The following NTM variants were observed in gnomAD, a reference collection of about 807,000 sequenced individuals.
NTM encodes neurotrimin.
A neutral mutation model predicts 42.1 loss-of-function variants in NTM; 13 were observed. The observed-to-expected ratio is 0.31, with a 90% CI of 0.20 to 0.49. The LOEUF (loss-of-function observed/expected upper bound fraction) is 0.49. Ranked by LOEUF, NTM falls within the 20% of genes least tolerant of loss-of-function variation. The pLI is 0.99. For synonymous variants in NTM, 187 were observed against 179.2 expected (o/e 1.04, Z -0.35); for missense variants, 373 against 452.8 (o/e 0.82, Z 1.60).
intron 1 of NTM, among the ~76,000 whole-genome samples, chr11:131,724,861 A>C (rs1243842308): frequency 6.6e-6 from 1 of 152,188 alleles, no homozygotes; most frequent in East Asian, 1.9e-4. Context: ...TTTGCATGTC[A>C]GGGGAAATGA....
At chr11:131,786,422 T>A (rs764624386) in intron 1 of NTM, among the ~76,000 whole-genome samples, 6 of 152,208 alleles carry the variant, frequency 3.9e-5, no homozygotes, top group Non-Finnish European at 8.8e-5. Context: ...TGGGTAAGAG[T>A]AATGCAGAGA....
chr11:132,224,503 G>A (rs371924336), intron 4 of NTM, among the ~76,000 whole-genome samples: 1 of 152,146 alleles, frequency 6.6e-6, no homozygotes, highest in Non-Finnish European at 1.5e-5. Flanking sequence ...TAAGAGATGA[G>A]GTGTGTTGGT....
chr11:131,615,092 A>C (rs976768287), intron 1 of NTM, among the ~76,000 whole-genome samples: 1 of 152,202 alleles, frequency 6.6e-6, no homozygotes, highest in African/African-American at 2.4e-5. Context: ...TTTCTAGACA[A>C]AGCAATATTC....
intron 1 of NTM, among the ~76,000 whole-genome samples, chr11:131,452,094 G>A (rs1252005433): frequency 2.0e-5 from 3 of 152,218 alleles, no homozygotes; most frequent in Non-Finnish European, 2.9e-5. Context: ...TGCACCTGGG[G>A]CACAGCTTCC....
intron 1 of NTM, among the ~76,000 whole-genome samples, chr11:131,577,723 C>A (rs1194414612): frequency 2.0e-5 from 3 of 152,308 alleles, no homozygotes. Flanking sequence ...AGCTTCAAAA[C>A]CAATGCTCTA....
At chr11:132,011,878 T>C (rs576347219) in intron 2 of NTM, among the ~76,000 whole-genome samples, 23 of 152,340 alleles carry the variant, frequency 1.5e-4, no homozygotes, top group African/African-American at 5.5e-4. Flanking sequence ...TCTCAGAAGG[T>C]GTCCTTCTTT....
At chr11:132,029,353 A>T (rs1367556181) in intron 2 of NTM, among the ~76,000 whole-genome samples, 1 of 45,908 alleles carries the variant, frequency 2.2e-5, no homozygotes, top group African/African-American at 9.1e-5. Context: ...CCCCCACCCC[A>T]CAACAGGCCC....
chr11:131,794,185 G>C (rs1364632653), intron 1 of NTM, among the ~76,000 whole-genome samples: 4 of 152,146 alleles, frequency 2.6e-5, no homozygotes. Flanking sequence ...CACCACCTCT[G>C]TGTGCAGGGC....
chr11:131,574,561 A>AGTGTGTGTGT (rs3040137), intron 1 of NTM, among the ~76,000 whole-genome samples: 9 of 147,424 alleles, frequency 6.1e-5, no homozygotes, highest in African/African-American at 1.7e-4. Context: ...TATGTGCTTG[A>AGTGTGTGTGT]GTGTGTGTGT....
chr11:131,676,277 G>T (rs973863496), intron 1 of NTM, among the ~76,000 whole-genome samples: 2 of 152,334 alleles, frequency 1.3e-5, no homozygotes, highest in East Asian at 3.9e-4. Flanking sequence ...GAAAAGGAAT[G>T]AGATGTTTTC....
At chr11:132,187,621 AG>A (rs1361440457) in intron 3 of NTM, among the ~76,000 whole-genome samples, 1 of 152,300 alleles carries the variant, frequency 6.6e-6, no homozygotes, top group African/African-American at 2.4e-5. Context: ...GACCTCCAGA[AG>A]GGGCAGTGAG....
chr11:131,802,034 TA>T (rs1565570195), intron 1 of NTM, among the ~76,000 whole-genome samples: 6 of 151,854 alleles, frequency 4.0e-5, no homozygotes, highest in South Asian at 2.1e-4. Flanking sequence ...TGCAGTATAA[TA>T]AAAAAAATTA....
chr11:131,603,679 C>T (rs1423180655), intron 1 of NTM, among the ~76,000 whole-genome samples: 3 of 152,202 alleles, frequency 2.0e-5, no homozygotes, highest in Non-Finnish European at 2.9e-5. Flanking sequence ...TTAACAAGCA[C>T]TCTTGACATT....
At chr11:132,039,986 G>A (rs780790709) in intron 2 of NTM, among the ~76,000 whole-genome samples, 2 of 152,040 alleles carry the variant, frequency 1.3e-5, no homozygotes, top group Non-Finnish European at 1.5e-5. Context: ...GTGCAGTGGC[G>A]TGATCTTGGC....
At chr11:132,031,909 C>CCCACTCATT (rs1333611687) in intron 2 of NTM, among the ~76,000 whole-genome samples, 2 of 152,126 alleles carry the variant, frequency 1.3e-5, no homozygotes, top group Admixed American at 1.3e-4. Context: ...ATGACATGCT[C>CCCACTCATT]AAAGGCCCTC....
intron 1 of NTM, among the ~76,000 whole-genome samples, chr11:131,606,939 C>T (rs2061018067): frequency 6.6e-6 from 1 of 152,108 alleles, no homozygotes; most frequent in South Asian, 2.1e-4. Flanking sequence ...TTTCTTTTAC[C>T]ACCCTGGAGT....
At chr11:131,939,457 C>A (rs2134190078) in intron 2 of NTM, among the ~76,000 whole-genome samples, 1 of 152,080 alleles carries the variant, frequency 6.6e-6, no homozygotes. Context: ...AGAGGTAAAT[C>A]AAGTCAAAAT....
chr11:131,858,072 A>G (rs983152848), intron 1 of NTM, among the ~76,000 whole-genome samples: 2 of 149,276 alleles, frequency 1.3e-5, no homozygotes, highest in African/African-American at 5.0e-5. Flanking sequence ...TCCAGTCTAC[A>G]TTTTATCATA....
In NTM at chr11:131,671,324, C is replaced by T. The variant is rs1408760499; in HGVS notation, c.83-240240C>T. The stretch of plus-strand genomic sequence containing the variant: ...GGCGCTATCTGGCGTCTATACTCAT[C>T]CTCCCCGCCCAACCCCATCACTGCA... On this transcript the variant is annotated intron_variant, in intron 1 of 8. Coordinates refer to ENST00000683400, the MANE Select transcript of NTM (RefSeq NM_001352005.2). 9.4e-6 allele frequency: 6 copies of T among 640,396 alleles called. No individual in the cohort carries two copies. The African/African-American group carries it at 9.9e-5, about 11-fold the overall frequency. The allele number at this position is 640,396 out of a possible 1,614,324, so 39.7% of individuals were successfully genotyped here.
Sources: allele counts gnomAD v4.1 joint callset (sites outside exome capture counted in the v4.1 genomes callset), GRCh38; gene constraint gnomAD v4.1.1; transcripts MANE v1.5; gene names NCBI Gene and HGNC (gene_info 2026-07-23, HGNC 2026-07-21).